The following GAS2 variants were observed in gnomAD, a reference collection of about 807,000 sequenced individuals.
GAS2 encodes growth arrest-specific protein 2.
A neutral mutation model predicts 37.5 loss-of-function variants in GAS2; 20 were observed. The observed-to-expected ratio is 0.53, with a 90% confidence interval of 0.37 to 0.77. GAS2 has a LOEUF of 0.77. Ranked by LOEUF, GAS2 falls within the 30% of genes least tolerant of loss-of-function variation. GAS2 has a pLI of 0.00. For synonymous variants in GAS2, 144 were observed against 132.2 expected (o/e 1.09, Z -0.61); for missense variants, 336 against 373.4 (o/e 0.90, Z 0.82).
intron 7 of GAS2, among the ~76,000 whole-genome samples, chr11:22,806,698 G>T (rs1856907087): frequency 6.6e-6 from 1 of 152,098 alleles, no homozygotes; most frequent in East Asian, 1.9e-4. Flanking sequence ...GCAAATTATA[G>T]GTTACTAATT....
At chr11:22,717,987 G>A (rs1184967142) in intron 3 of GAS2, among the ~76,000 whole-genome samples, 1 of 151,846 alleles carries the variant, frequency 6.6e-6, no homozygotes, top group African/African-American at 2.4e-5. Context: ...GCATGGCTAT[G>A]GTAAAAAAAG....
upstream of GAS2, among the ~76,000 whole-genome samples, chr11:22,663,592 T>C (rs939930748): frequency 2.6e-5 from 4 of 152,278 alleles, no homozygotes; most frequent in East Asian, 7.7e-4. Context: ...GCTACTGTTG[T>C]GTTGTACTTA....
rs1857222183 is a variant in GAS2, at chr11:22,812,384, A to G, written c.*368A>G. ...AGAAAGTGCCTGCTTTACACTCATGAGTAAAAGCACTCCAGACATTTTTAT... is the reference window on the plus strand; with the variant it reads ...AGAAAGTGCCTGCTTTACACTCATGGGTAAAAGCACTCCAGACATTTTTAT... On this transcript the variant is annotated 3_prime_UTR_variant, in exon 8 of 8. Transcript: ENST00000454584. The G allele has an allele frequency of 6.1e-6, 1 of 163,410 alleles. No individual in the cohort carries two copies. The highest frequency in any genetic ancestry group is 2.4e-5 in the African/African-American group (1 of 41,496). The allele number at this position is 163,410 out of a possible 1,614,324, so 10.1% of individuals were successfully genotyped here. A position where few individuals can be genotyped will look rare whatever the true frequency, so the allele number is the denominator to read the frequency against.
rs181159897 is a variant in GAS2, at chr11:22,693,985, G to C, written c.267+8196G>C. On this transcript the variant is annotated intron_variant, in intron 3 of 7. Coordinates refer to ENST00000454584, the MANE Select transcript of GAS2 (RefSeq NM_001143830.3). ...GATGAGAACCCATGGACACATACAG[G>C]GGAACAACACACACTGGTGTCTTTC... is the stretch of plus-strand genomic sequence containing the variant. Among the ~76,000 whole-genome samples, 592 of 152,138 alleles carry C rather than the reference G, an allele frequency of 3.9e-3. 8 individuals are homozygous for C. The highest frequency in any genetic ancestry group is 0.014 in the African/African-American group (562 of 41,524).
intron 3 of GAS2, among the ~76,000 whole-genome samples, chr11:22,720,468 A>G (rs991256665): frequency 3.3e-5 from 5 of 152,076 alleles, no homozygotes; most frequent in Admixed American, 3.3e-4. Flanking sequence ...TTTTCAAGCC[A>G]CTTGGTTGTT....
intron 7 of GAS2, among the ~76,000 whole-genome samples, chr11:22,766,237 G>A (rs375077555): frequency 8.5e-4 from 115 of 134,846 alleles, no homozygotes; most frequent in African/African-American, 2.9e-3. Flanking sequence ...TGCTTTCCTC[G>A]GATTCTTTTT....
chr11:22,789,303 TACACACACACAC>T (rs201918939), intron 7 of GAS2, among the ~76,000 whole-genome samples: 8 of 111,116 alleles, frequency 7.2e-5, no homozygotes, highest in South Asian at 3.0e-4. Context: ...TATATATATA[TACACACACACAC>T]ACACACACAC....
At chr11:22,642,614 A>G (rs1848643195) in intron 1 of GAS2, among the ~76,000 whole-genome samples, 1 of 152,180 alleles carries the variant, frequency 6.6e-6, no homozygotes, top group Non-Finnish European at 1.5e-5. Context: ...ACTGTCCAGA[A>G]GACATCTGGA....
At chr11:22,708,469 T>A (rs1356222570) in intron 3 of GAS2, among the ~76,000 whole-genome samples, 1 of 152,158 alleles carries the variant, frequency 6.6e-6, no homozygotes, top group East Asian at 1.9e-4. Context: ...AGCAACGTCA[T>A]GATGTAGTTG....
At chr11:22,727,331 C>T (rs545820740) in intron 4 of GAS2, among the ~76,000 whole-genome samples, 9 of 152,084 alleles carry the variant, frequency 5.9e-5, no homozygotes, top group Non-Finnish European at 1.2e-4. Flanking sequence ...CATATAATAA[C>T]AAATATTAAT....
chr11:22,692,980 T>G (rs1850325849), intron 3 of GAS2, among the ~76,000 whole-genome samples: 1 of 152,156 alleles, frequency 6.6e-6, no homozygotes, highest in African/African-American at 2.4e-5. Context: ...GAAACTTTGT[T>G]TAGTTGGCAG....
At chr11:22,704,638 A>C (rs1851016791) in intron 3 of GAS2, among the ~76,000 whole-genome samples, 1 of 115,018 alleles carries the variant, frequency 8.7e-6, no homozygotes, top group Non-Finnish European at 1.7e-5. Flanking sequence ...GCTCATCTCA[A>C]ATTCATGATT....
intron 2 of GAS2, among the ~76,000 whole-genome samples, chr11:22,676,912 A>G (rs1276429387): frequency 6.6e-6 from 1 of 152,082 alleles, no homozygotes. Flanking sequence ...AATAAAACCA[A>G]CCTTATGGAA....
intron 3 of GAS2, among the ~76,000 whole-genome samples, chr11:22,694,313 T>C (rs1358654145): frequency 6.6e-6 from 1 of 152,158 alleles, no homozygotes; most frequent in Non-Finnish European, 1.5e-5. Flanking sequence ...GTCCGCCATA[T>C]CCACTTTGCC....
intron 3 of GAS2, among the ~76,000 whole-genome samples, chr11:22,713,332 G>A (rs1016046352): frequency 2.6e-5 from 4 of 151,562 alleles, no homozygotes; most frequent in African/African-American, 9.7e-5. Flanking sequence ...TAAAAAATGA[G>A]CAAAGAATCC....
At chr11:22,694,003 T>G (rs7114075) in intron 3 of GAS2, among the ~76,000 whole-genome samples, 27,236 of 151,948 alleles carry the variant, frequency 0.18, 2,627 homozygotes, top group East Asian at 0.35. Context: ...CACACACTGG[T>G]GTCTTTCAGA....
At chr11:22,741,981 T>C in intron 5 of GAS2, among the ~76,000 whole-genome samples, 1 of 152,118 alleles carries the variant, frequency 6.6e-6, no homozygotes, top group East Asian at 1.9e-4. Context: ...GTAAATTTTC[T>C]AGTTTAGGCC....
At chr11:22,638,633 G>T (rs1028011297) in intron 1 of GAS2, among the ~76,000 whole-genome samples, 1 of 151,964 alleles carries the variant, frequency 6.6e-6, no homozygotes, top group East Asian at 1.9e-4. Flanking sequence ...GGCATGAGCC[G>T]TTGCACGCAG....
intron 1 of GAS2, among the ~76,000 whole-genome samples, chr11:22,659,964 G>A (rs1332001749): frequency 6.6e-6 from 1 of 152,002 alleles, no homozygotes; most frequent in East Asian, 1.9e-4. Flanking sequence ...GGAAAGCTCT[G>A]TTGCTTCAAA....
Sources: allele counts gnomAD v4.1 joint callset (sites outside exome capture counted in the v4.1 genomes callset), GRCh38; gene constraint gnomAD v4.1.1; transcripts MANE v1.5; gene names NCBI Gene and HGNC (gene_info 2026-07-23, HGNC 2026-07-21).